SCAMP1: variants seen among roughly 807,000 people sequenced by gnomAD.
SCAMP1 encodes the protein secretory carrier membrane protein 1, also known as secretory carrier-associated membrane protein 1.
Under a neutral mutation model 41.8 loss-of-function variants are expected in SCAMP1, and 15 were observed. The observed-to-expected ratio is 0.36, with a 90% CI of 0.24 to 0.55. The LOEUF (loss-of-function observed/expected upper bound fraction) is 0.55. SCAMP1 is among the 20% of genes least tolerant of loss of function. The probability of loss-of-function intolerance (pLI) is 0.86; values close to 1 mark genes in which losing one functional copy is unlikely to be tolerated. For synonymous variants in SCAMP1, 135 were observed against 136.8 expected (o/e 0.99, Z 0.09); for missense variants, 341 against 412.6 (o/e 0.83, Z 1.50).
At chr5:78,467,670 T>G (rs1561290098) in intron 8 of SCAMP1, among the ~76,000 whole-genome samples, 1 of 152,224 alleles carries the variant, frequency 6.6e-6, no homozygotes. Context: ...TCTCTGGGTC[T>G]CAGATTCTTT....
At chr5:78,372,798 T>TA (rs1474496259) in intron 1 of SCAMP1, among the ~76,000 whole-genome samples, 4 of 152,082 alleles carry the variant, frequency 2.6e-5, no homozygotes, top group South Asian at 4.1e-4. Flanking sequence ...TGAAAGTTAA[T>TA]AAAAAATCAG....
At chr5:78,377,676 AT>A (rs1267027886) in intron 1 of SCAMP1, among the ~76,000 whole-genome samples, 1 of 152,122 alleles carries the variant, frequency 6.6e-6, no homozygotes, top group Non-Finnish European at 1.5e-5. Context: ...ATTACCTAAT[AT>A]TTGCTATACT....
At chr5:78,427,106 G>A (rs555446433) in intron 6 of SCAMP1, among the ~76,000 whole-genome samples, 36 of 152,260 alleles carry the variant, frequency 2.4e-4, no homozygotes, top group Middle Eastern at 3.4e-3. Flanking sequence ...TATTTGGCTC[G>A]TGGTTCTGCA....
At position 78,477,648 on chromosome 5, in the gene SCAMP1, G is replaced by A. The variant is rs780219137; in HGVS notation, c.*1980G>A. On this transcript the variant is annotated 3_prime_UTR_variant, in exon 9 of 9. Transcript: ENST00000621999. ...AGAATTGGAATGTTTATATTATGTAGAAATCTTCAAAGGTAGCATTATTAA... is the reference window on the plus strand; with the variant it reads ...AGAATTGGAATGTTTATATTATGTAAAAATCTTCAAAGGTAGCATTATTAA... The A allele has an allele frequency of 6.6e-5, 10 of 152,076 alleles. No homozygotes were observed. The highest frequency in any genetic ancestry group is 1.5e-4 in the Non-Finnish European group (10 of 67,952). The allele number at this position is 152,076 out of a possible 1,614,324, so 9.4% of individuals were successfully genotyped here. A position where few individuals can be genotyped will look rare whatever the true frequency, so the allele number is the denominator to read the frequency against.
At chr5:78,394,379 T>C (rs1751594332) in intron 2 of SCAMP1, among the ~76,000 whole-genome samples, 1 of 152,078 alleles carries the variant, frequency 6.6e-6, no homozygotes, top group Non-Finnish European at 1.5e-5. Flanking sequence ...GAGGAAAATG[T>C]TGAGTTAAAT....
At chr5:78,384,874 T>G (rs1300192193) in intron 1 of SCAMP1, among the ~76,000 whole-genome samples, 1 of 152,184 alleles carries the variant, frequency 6.6e-6, no homozygotes, top group Non-Finnish European at 1.5e-5. Context: ...TGAGGATTTT[T>G]GCATCTCTGT....
At chr5:78,377,039 C>T (rs1053943395) in intron 1 of SCAMP1, among the ~76,000 whole-genome samples, 1 of 151,554 alleles carries the variant, frequency 6.6e-6, no homozygotes. Flanking sequence ...CTTGCTTTTC[C>T]TTCCCTCCTC....
At chr5:78,381,912 G>A (rs1751214068) in intron 1 of SCAMP1, among the ~76,000 whole-genome samples, 1 of 152,166 alleles carries the variant, frequency 6.6e-6, no homozygotes, top group Non-Finnish European at 1.5e-5. Flanking sequence ...AGTTTGTGTA[G>A]AGCCTCTAAA....
chr5:78,469,655 C>T (rs184543721), intron 8 of SCAMP1, among the ~76,000 whole-genome samples: 44 of 151,868 alleles, frequency 2.9e-4, no homozygotes, highest in Non-Finnish European at 1.3e-4. Flanking sequence ...TCATGTGGCA[C>T]TTTCATCTAA....
intron 5 of SCAMP1, among the ~76,000 whole-genome samples, chr5:78,420,730 C>G (rs1268515375): frequency 6.6e-6 from 1 of 152,052 alleles, no homozygotes; most frequent in Non-Finnish European, 1.5e-5. Context: ...AAACAAAACT[C>G]TAGAGCTTGT....
chr5:78,468,816 G>A (rs1753803757), intron 8 of SCAMP1, among the ~76,000 whole-genome samples: 1 of 152,160 alleles, frequency 6.6e-6, no homozygotes, highest in Non-Finnish European at 1.5e-5. Flanking sequence ...AGTCTCATTA[G>A]TTGGTGTTTT....
chr5:78,479,028 T>G lies in SCAMP1; in HGVS notation c.*3360T>G, dbSNP rs1449441145. ...GTGCTTTTTACTCATTGCTGTATCT[T>G]TTTCTGAAAACACTGTTGTTAACAT... is the stretch of plus-strand genomic sequence containing the variant. On this transcript the variant is annotated 3_prime_UTR_variant, in exon 9 of 9. Transcript: ENST00000621999. 1 of 152,194 alleles carries G rather than the reference T, an allele frequency of 6.6e-6. No homozygotes were observed. The highest frequency in any genetic ancestry group is 1.5e-5 in the Non-Finnish European group (1 of 67,988). The allele number at this position is 152,194 out of a possible 1,614,324, so 9.4% of individuals were successfully genotyped here.
At chr5:78,446,328 A>C (rs1033416444) in intron 6 of SCAMP1, among the ~76,000 whole-genome samples, 7 of 152,338 alleles carry the variant, frequency 4.6e-5, no homozygotes, top group African/African-American at 1.4e-4. Flanking sequence ...ACAGTTAGGC[A>C]GTTTCAGCTT....
At position 78,360,636 on chromosome 5, in the gene SCAMP1, G is replaced by C; in HGVS notation, c.-36G>C. The C allele has an allele frequency of 1.3e-6, 2 of 1,590,018 alleles. No homozygotes were observed. The highest frequency in any genetic ancestry group is 1.7e-6 in the Non-Finnish European group (2 of 1,169,020). On this transcript the variant is annotated 5_prime_UTR_variant, in exon 1 of 9. Coordinates refer to ENST00000621999, the MANE Select transcript of SCAMP1 (RefSeq NM_004866.6). ...GGCCTCGCCTCGTCTCTCTCTCTGC[G>C]CCTGGGTCGGGTGGGTGACGCCGAG...
intron 6 of SCAMP1, 65 bp from the exon 7 acceptor site, chr5:78,449,868 C>A: frequency 2.5e-6 from 2 of 809,164 alleles, no homozygotes; most frequent in Non-Finnish European, 3.9e-6. Flanking sequence ...AGAAAAATGA[C>A]GTTTTTCCCC....
At chr5:78,471,508 A>G (rs780598018) in intron 8 of SCAMP1, among the ~76,000 whole-genome samples, 9 of 152,194 alleles carry the variant, frequency 5.9e-5, no homozygotes, top group Non-Finnish European at 1.0e-4. Flanking sequence ...CAGCTTTTAT[A>G]AAAGTTGAAA....
intron 6 of SCAMP1, among the ~76,000 whole-genome samples, chr5:78,422,318 GTT>G (rs35210440): frequency 0.044 from 6,543 of 147,380 alleles, 348 homozygotes; most frequent in African/African-American, 0.13. Flanking sequence ...GGTGCTTATG[GTT>G]TTTTTTTTTT....
At chr5:78,453,882 T>C (rs1202870063) in intron 7 of SCAMP1, among the ~76,000 whole-genome samples, 1 of 151,920 alleles carries the variant, frequency 6.6e-6, no homozygotes, top group Non-Finnish European at 1.5e-5. Flanking sequence ...TTTGTAGTTC[T>C]CCTTGAAGAG....
intron 2 of SCAMP1, among the ~76,000 whole-genome samples, chr5:78,413,066 G>T (rs551375366): frequency 7.9e-4 from 120 of 152,236 alleles, no homozygotes; most frequent in African/African-American, 2.8e-3. Context: ...TTCCCTGAAA[G>T]TGTTTAAGTT....
Sources: allele counts gnomAD v4.1 joint callset (sites outside exome capture counted in the v4.1 genomes callset), GRCh38; gene constraint gnomAD v4.1.1; transcripts MANE v1.5; gene names NCBI Gene and HGNC (gene_info 2026-07-23, HGNC 2026-07-21).